C16orf96: variants seen among roughly 807,000 people sequenced by gnomAD.
C16orf96 encodes chromosome 16 open reading frame 96, also known as uncharacterized protein C16orf96.
C16orf96 carries 108 observed loss-of-function variants against 103.6 expected under a neutral mutation model. The ratio of observed to expected loss-of-function variants is 1.04; its 90% CI spans 0.89 to 1.22. The LOEUF (loss-of-function observed/expected upper bound fraction) is 1.22, where lower values mean the gene tolerates loss of function less well. C16orf96 is among the 50% of genes most tolerant of loss of function. C16orf96 has a pLI of 0.00. For synonymous variants in C16orf96, 566 were observed against 593.5 expected, an observed-to-expected ratio of 0.95 and a Z score of 0.67; for missense variants, 1,586 against 1,464.2, an observed-to-expected ratio of 1.08 and a Z score of -1.36.
the C16orf96 span, among the ~76,000 whole-genome samples, chr16:4,547,689 CTTCTTTCTTTCT>C: frequency 4.0e-4 from 9 of 22,588 alleles, no homozygotes; most frequent in East Asian, 3.2e-3. Context: ...TCCTTCCTTC[CTTCTTTCTTTCT>C]TTCTTTCTTT....
At chr16:4,596,322 T>C (rs912409336) in intron 14 of C16orf96, among the ~76,000 whole-genome samples, 2 of 151,966 alleles carry the variant, frequency 1.3e-5, no homozygotes, top group African/African-American at 4.8e-5. Flanking sequence ...TCGTCTGTAC[T>C]GAAAATACAA....
Position 4,587,084 on chromosome 16 carries a change from AAG to A in C16orf96, c.2401_2402del (p.Ser801HisfsTer11). On this transcript the variant is annotated frameshift_variant, in exon 8 of 16. Transcript: ENST00000444310. LOFTEE classifies it high-confidence loss of function. ...AAGACTGGAAATGAACAAGGTGAATAAGAGCACGATGGAGGAGGAGCTGAGAG... is the reference window on the plus strand; with the variant it reads ...AAGACTGGAAATGAACAAGGTGAATAAGCACGATGGAGGAGGAGCTGAGAG... ...IKRLEMNKVN[K>X]STMEEELREK... is the part of the protein sequence containing the mutation. The A allele has an allele frequency of 6.4e-7, 1 of 1,551,648 alleles. No homozygotes were observed. Among genetic ancestry groups the A allele is most frequent in the Non-Finnish European group, 8.7e-7 (1 of 1,146,942 alleles).
chr16:4,598,115 G>T (rs1897210999), intron 14 of C16orf96, among the ~76,000 whole-genome samples: 1 of 152,184 alleles, frequency 6.6e-6, no homozygotes, highest in Admixed American at 6.5e-5. Context: ...ACTTTGGGAA[G>T]CTGAAGCCTG....
chr16:4,555,269 TACACACACACACACACAC>T (rs71139639), upstream of C16orf96, among the ~76,000 whole-genome samples: 10 of 145,584 alleles, frequency 6.9e-5, no homozygotes, highest in South Asian at 2.3e-4. Context: ...TCACACACAC[TACACACACACACACACAC>T]ACACACACAC....
At chr16:4,579,105 C>G (rs1021734147) in intron 6 of C16orf96, 80 bp downstream of exon 6, 7 of 1,262,508 alleles carry the variant, frequency 5.5e-6, no homozygotes, top group South Asian at 1.3e-5. Flanking sequence ...CTCTGCCCCC[C>G]TCCCAGGTGC....
At chr16:4,566,027 G>A (rs748168426) in intron 1 of C16orf96, among the ~76,000 whole-genome samples, 1 of 152,070 alleles carries the variant, frequency 6.6e-6, no homozygotes, top group Non-Finnish European at 1.5e-5. Flanking sequence ...GTTTTATGTA[G>A]AGATGTGGTC....
At chr16:4,599,967 C>T in intron 15 of C16orf96, 133 bp from the exon 16 acceptor site, 2 of 929,628 alleles carry the variant, frequency 2.2e-6, no homozygotes, top group South Asian at 1.7e-5. Context: ...GGTATGGTGC[C>T]CAGCCGGCCA....
At position 4,575,451 on chromosome 16, in the gene C16orf96, TTGCACCTGGGCC is replaced by T. The variant is rs1482478670; in HGVS notation, c.982_993del (p.Pro328_Gly331del). On this transcript the variant is annotated inframe_deletion, in exon 5 of 16. Coordinates refer to ENST00000444310, the MANE Select transcript of C16orf96 (RefSeq NM_001145011.2). ...TCTGCACCTGGGTGCACAACTGAAT[TTGCACCTGGGCC>T]TGCACCTGGGACTGAACCTGTGCCA... 1 of 1,548,884 alleles carries T rather than the reference TTGCACCTGGGCC, an allele frequency of 6.5e-7. No homozygotes were observed. Among genetic ancestry groups the T allele is most frequent in the East Asian group, 2.4e-5 (1 of 40,906 alleles).
Position 4,593,672 on chromosome 16 carries a change from C to T in C16orf96, c.2867+356C>T, listed in dbSNP as rs191340285. ...TGATGATGGGGAACCCTCAGGGAGC[C>T]GCTGCTGTGCCCGGCAGGCACTGTG... On this transcript the variant is annotated intron_variant, in intron 12 of 15. Coordinates refer to ENST00000444310, the MANE Select transcript of C16orf96 (RefSeq NM_001145011.2). The surrounding 1 kb of genome is among the most constrained non-coding windows in gnomAD (Gnocchi z 4.2). Among the ~76,000 whole-genome samples, 24 of 152,234 alleles carry T rather than the reference C, an allele frequency of 1.6e-4. No individual in the cohort carries two copies. The highest frequency in any genetic ancestry group is 1.5e-3 in the Admixed American group (23 of 15,284).
At chr16:4,542,041 G>A in the C16orf96 span, among the ~76,000 whole-genome samples, 1 of 152,186 alleles carries the variant, frequency 6.6e-6, no homozygotes, top group Non-Finnish European at 1.5e-5. Context: ...ACCAAGAGAG[G>A]CAAATAGAAG....
chr16:4,574,822 C>T (rs1449424806), intron 3 of C16orf96, 33 bp downstream of exon 3: 2 of 1,545,516 alleles, frequency 1.3e-6, no homozygotes, highest in Admixed American at 2.0e-5. Context: ...TCCCCCACTC[C>T]CCCTGGGACC....
intron 1 of C16orf96, among the ~76,000 whole-genome samples, chr16:4,567,766 T>C (rs1460788304): frequency 1.4e-5 from 2 of 138,444 alleles, no homozygotes; most frequent in African/African-American, 5.4e-5. Flanking sequence ...TGGCATGACC[T>C]TGGCTCACTA....
chr16:4,594,253 G>T, intron 12 of C16orf96, 98 bp from the exon 13 acceptor site: 1 of 1,367,336 alleles, frequency 7.3e-7, no homozygotes, highest in Non-Finnish European at 9.8e-7. Flanking sequence ...TGAAAGAAAT[G>T]CTGGTCTTCC....
chr16:4,567,310 G>T (rs1300905488), intron 1 of C16orf96, among the ~76,000 whole-genome samples: 11 of 105,678 alleles, frequency 1.0e-4, no homozygotes, highest in South Asian at 9.7e-4. Flanking sequence ...TTGAGATGGA[G>T]TCTCGCTCTG....
rs1896972147 is a variant in C16orf96, at chr16:4,588,151, C to T, written c.2428-16C>T. ...ATCCCAGCAGCCATGCCTCCCTGAA[C>T]TCCCTGTCTCCCTAGAAAGCTGACA... On this transcript the variant is annotated splice_polypyrimidine_tract_variant and intron_variant, in intron 8 of 15. Coordinates refer to ENST00000444310, the MANE Select transcript of C16orf96 (RefSeq NM_001145011.2). 1 of 1,547,680 alleles carries T rather than the reference C, an allele frequency of 6.5e-7. No individual in the cohort carries two copies. Among genetic ancestry groups the T allele is most frequent in the Non-Finnish European group, 8.7e-7 (1 of 1,144,800 alleles).
chr16:4,554,006 C>A (rs1465545094), upstream of C16orf96, among the ~76,000 whole-genome samples: 2 of 152,288 alleles, frequency 1.3e-5, no homozygotes, highest in Middle Eastern at 3.4e-3. Context: ...AATGTGGGAT[C>A]ACAGTGCTGG....
the C16orf96 span, among the ~76,000 whole-genome samples, chr16:4,545,880 C>T: frequency 6.6e-6 from 1 of 151,976 alleles, no homozygotes; most frequent in African/African-American, 2.4e-5. Context: ...GACAGAATCT[C>T]GCTCTGTTGC....
At chr16:4,583,606 C>A (rs1446172096) in intron 7 of C16orf96, among the ~76,000 whole-genome samples, 1 of 152,032 alleles carries the variant, frequency 6.6e-6, no homozygotes, top group Non-Finnish European at 1.5e-5. Flanking sequence ...TAATGTAGAA[C>A]AAGTGTGGGA....
At chr16:4,582,033 G>A (rs1231976250) in intron 7 of C16orf96, among the ~76,000 whole-genome samples, 2 of 152,146 alleles carry the variant, frequency 1.3e-5, no homozygotes, top group East Asian at 1.9e-4. Context: ...TGTAATCCCA[G>A]CACTTTGGGA....
Sources: gnomAD v4.1 joint callset for allele counts (sites outside exome capture counted in the v4.1 genomes callset) on GRCh38, gnomAD v4.1.1 for gene constraint, Gnocchi (gnomAD v3.1) non-coding constraint, MANE v1.5 for transcripts, NCBI Gene and HGNC (gene_info 2026-07-23, HGNC 2026-07-21) for gene names.